The following PDE1C variants were observed in gnomAD, a reference collection of about 807,000 sequenced individuals.
PDE1C encodes dual specificity calcium/calmodulin-dependent 3',5'-cyclic nucleotide phosphodiesterase 1C.
Under a neutral mutation model 93.1 loss-of-function variants are expected in PDE1C, and 62 were observed. The observed-to-expected ratio is 0.67, with a 90% CI of 0.54 to 0.82. PDE1C has a LOEUF of 0.82. Ranked by LOEUF, PDE1C falls within the 40% of genes least tolerant of loss-of-function variation. The pLI is 0.00. For missense variants in PDE1C, 742 were observed against 884.6 expected (o/e 0.84, Z 2.04); for synonymous variants, 325 against 310.1 (o/e 1.05, Z -0.50).
chr7:32,019,517 C>G (rs953000269), intron 2 of PDE1C, among the ~76,000 whole-genome samples: 2 of 152,122 alleles, frequency 1.3e-5, no homozygotes, highest in African/African-American at 4.8e-5. Flanking sequence ...TGAAAAATTA[C>G]CTGATAACAT....
chr7:31,820,264 A>G (rs1394490462), intron 14 of PDE1C, among the ~76,000 whole-genome samples: 1 of 152,064 alleles, frequency 6.6e-6, no homozygotes, highest in Non-Finnish European at 1.5e-5. Flanking sequence ...TAATAGTTAT[A>G]TATGTCTAGA....
At chr7:31,640,104 C>T in the PDE1C span, among the ~76,000 whole-genome samples, 6 of 152,132 alleles carry the variant, frequency 3.9e-5, no homozygotes, top group African/African-American at 1.4e-4. Context: ...TCAGGTCTTG[C>T]TTTTAAGGCT....
chr7:32,198,904 G>C (rs758759557), intron 2 of PDE1C, among the ~76,000 whole-genome samples: 5 of 152,046 alleles, frequency 3.3e-5, no homozygotes, highest in Non-Finnish European at 7.4e-5. Flanking sequence ...ATCACTTGAG[G>C]TCAGGAGTTT....
intron 3 of PDE1C, among the ~76,000 whole-genome samples, chr7:32,110,533 C>T (rs1423001798): frequency 6.6e-6 from 1 of 152,134 alleles, no homozygotes; most frequent in Non-Finnish European, 1.5e-5. Flanking sequence ...GTCTATGCAC[C>T]ACTCTAATAA....
At chr7:31,648,232 T>C in the PDE1C span, among the ~76,000 whole-genome samples, 1 of 152,194 alleles carries the variant, frequency 6.6e-6, no homozygotes, top group Non-Finnish European at 1.5e-5. Context: ...GATGGTGCTC[T>C]TACCATTGAA....
chr7:32,373,857 G>A (rs146679039), intron 1 of PDE1C, among the ~76,000 whole-genome samples: 3,072 of 152,064 alleles, frequency 0.02, 92 homozygotes, highest in African/African-American at 0.07. Context: ...GCGTGGTGGC[G>A]TATGCCCGTA....
chr7:31,865,674 T>C (rs1306268977), intron 6 of PDE1C, among the ~76,000 whole-genome samples: 1 of 152,170 alleles, frequency 6.6e-6, no homozygotes, highest in East Asian at 1.9e-4. Context: ...CATAAGAACA[T>C]AGCCTGTTTC....
chr7:32,334,389 G>C (rs1783572341), intron 1 of PDE1C, among the ~76,000 whole-genome samples: 1 of 151,998 alleles, frequency 6.6e-6, no homozygotes, highest in Middle Eastern at 3.4e-3. Context: ...CTCAATATTA[G>C]GATATTAATT....
intron 2 of PDE1C, among the ~76,000 whole-genome samples, chr7:31,946,058 A>G (rs1806563346): frequency 6.6e-6 from 1 of 151,962 alleles, no homozygotes; most frequent in African/African-American, 2.4e-5. Flanking sequence ...TACATTGCCC[A>G]TCTATTATTG....
At chr7:32,188,825 T>C (rs370953574) in intron 2 of PDE1C, among the ~76,000 whole-genome samples, 2 of 152,190 alleles carry the variant, frequency 1.3e-5, no homozygotes, top group Non-Finnish European at 2.9e-5. Context: ...AAGAGCTTGT[T>C]AATTTTCACA....
intron 1 of PDE1C, among the ~76,000 whole-genome samples, chr7:32,269,798 G>A (rs1037768281): frequency 6.6e-6 from 1 of 151,938 alleles, no homozygotes; most frequent in East Asian, 1.9e-4. Context: ...TTAAGAGACA[G>A]CATCTCACTC....
chr7:32,087,811 T>A (rs201998600), intron 3 of PDE1C, among the ~76,000 whole-genome samples: 8 of 134,904 alleles, frequency 5.9e-5, no homozygotes, highest in East Asian at 4.4e-4. Context: ...TGAAAACACA[T>A]GGACACAGGA....
At chr7:32,140,854 C>T (rs1584841227) in intron 3 of PDE1C, among the ~76,000 whole-genome samples, 1 of 152,198 alleles carries the variant, frequency 6.6e-6, no homozygotes, top group Admixed American at 6.5e-5. Flanking sequence ...CAGCATCTTG[C>T]CACTATTAGC....
chr7:32,198,952 A>G (rs1422766145), intron 2 of PDE1C, among the ~76,000 whole-genome samples: 1 of 151,862 alleles, frequency 6.6e-6, no homozygotes, highest in Non-Finnish European at 1.5e-5. Flanking sequence ...CCCTGTCTCT[A>G]CTGAAAAAAA....
chr7:31,984,248 C>T (rs1783079237), intron 2 of PDE1C, among the ~76,000 whole-genome samples: 1 of 152,150 alleles, frequency 6.6e-6, no homozygotes, highest in Non-Finnish European at 1.5e-5. Context: ...GCATTAGATT[C>T]TCATAGTAGC....
intron 14 of PDE1C, among the ~76,000 whole-genome samples, chr7:31,821,794 C>G (rs1789000850): frequency 6.6e-6 from 1 of 152,052 alleles, no homozygotes; most frequent in Admixed American, 6.6e-5. Flanking sequence ...TGTGAACAAG[C>G]CTTTGAATAA....
the PDE1C span, among the ~76,000 whole-genome samples, chr7:31,650,907 G>A: frequency 6.6e-6 from 1 of 152,152 alleles, no homozygotes; most frequent in African/African-American, 2.4e-5. Context: ...GGGACACAAT[G>A]ATTGTCACCC....
chr7:31,757,491 T>G (rs1361950057), intron 17 of PDE1C, among the ~76,000 whole-genome samples: 2 of 152,198 alleles, frequency 1.3e-5, no homozygotes, highest in African/African-American at 4.8e-5. Flanking sequence ...CCTTGGACCT[T>G]AGTACTAGAC....
intron 12 of PDE1C, among the ~76,000 whole-genome samples, chr7:31,827,034 T>C (rs1720809513): frequency 6.6e-6 from 1 of 152,210 alleles, no homozygotes; most frequent in Non-Finnish European, 1.5e-5. Context: ...CATAAATTTA[T>C]ATATTTTTAA....
Sources: allele counts gnomAD v4.1 joint callset (sites outside exome capture counted in the v4.1 genomes callset), GRCh38; gene constraint gnomAD v4.1.1; transcripts MANE v1.5; gene names NCBI Gene and HGNC (gene_info 2026-07-23, HGNC 2026-07-21).